COL12A1: variants seen among roughly 807,000 people sequenced by gnomAD.
The protein encoded by COL12A1 is collagen type XII alpha 1 chain.
Under a neutral mutation model 349.7 loss-of-function variants are expected in COL12A1, and 114 were observed. The observed-to-expected ratio is 0.33, with a 90% CI of 0.28 to 0.38. The LOEUF (loss-of-function observed/expected upper bound fraction) is 0.38, where lower values mean the gene tolerates loss of function less well. Ranked by LOEUF, COL12A1 falls within the 10% of genes least tolerant of loss-of-function variation. The probability of loss-of-function intolerance (pLI) is 1.00; values close to 1 mark genes in which losing one functional copy is unlikely to be tolerated. For synonymous variants in COL12A1, 1,369 were observed against 1,329.0 expected (o/e 1.03, Z -0.66); for missense variants, 3,284 against 3,756.9 (o/e 0.87, Z 3.29).
At chr6:75,151,806 C>T (rs41269307) in intron 20 of COL12A1, 61 bp downstream of exon 20, 203 of 1,498,880 alleles carry the variant, frequency 1.4e-4, no homozygotes, top group Middle Eastern at 3.6e-4. Flanking sequence ...CTTCTAACTA[C>T]GAAAAATATC....
At chr6:75,162,007 G>A (rs1230379453) in intron 14 of COL12A1, among the ~76,000 whole-genome samples, 2 of 152,070 alleles carry the variant, frequency 1.3e-5, no homozygotes, top group East Asian at 3.9e-4. Flanking sequence ...AGAGAGGACA[G>A]AAACAAATGG....
chr6:75,135,222 A>T (rs1213078185), intron 31 of COL12A1, among the ~76,000 whole-genome samples: 2 of 152,158 alleles, frequency 1.3e-5, no homozygotes, highest in African/African-American at 4.8e-5. Flanking sequence ...ACAATTGCAT[A>T]ATTTTAGAGG....
chr6:75,107,731 G>C (rs1768637506), intron 52 of COL12A1, among the ~76,000 whole-genome samples: 1 of 152,098 alleles, frequency 6.6e-6, no homozygotes, highest in African/African-American at 2.4e-5. Flanking sequence ...TTTCAAGATA[G>C]CATATATTTT....
intron 34 of COL12A1, 26 bp from the exon 35 acceptor site, chr6:75,132,108 T>TA: frequency 6.2e-7 from 1 of 1,612,296 alleles, no homozygotes; most frequent in Non-Finnish European, 8.5e-7. Flanking sequence ...CCAACATCTA[T>TA]TTTTTAAGTC....
At chr6:75,202,877 G>T in intron 1 of COL12A1, 50 bp from the exon 2 acceptor site, 1 of 1,319,692 alleles carries the variant, frequency 7.6e-7, no homozygotes, top group Non-Finnish European at 1.1e-6. Flanking sequence ...GGCAGGCCTT[G>T]AACCAGGTTA....
At chr6:75,132,518 C>T (rs1766360333) in intron 34 of COL12A1, among the ~76,000 whole-genome samples, 1 of 152,178 alleles carries the variant, frequency 6.6e-6, no homozygotes, top group East Asian at 1.9e-4. Context: ...TTCATTACTT[C>T]TTCATTTAAC....
chr6:75,099,904 C>A (rs1768224453), intron 58 of COL12A1, among the ~76,000 whole-genome samples: 1 of 152,212 alleles, frequency 6.6e-6, no homozygotes, highest in Admixed American at 6.5e-5. Flanking sequence ...TCTTGTGCTT[C>A]CTTCTCTTCA....
chr6:75,133,452 G>A (rs1325183221), intron 33 of COL12A1, 30 bp from the exon 34 acceptor site: 1 of 1,585,974 alleles, frequency 6.3e-7, no homozygotes, highest in African/African-American at 1.4e-5. Flanking sequence ...AAAAAGCATT[G>A]ACTTGAAAAA....
At chr6:75,199,448 G>C (rs1770410280) in intron 2 of COL12A1, among the ~76,000 whole-genome samples, 1 of 152,010 alleles carries the variant, frequency 6.6e-6, no homozygotes, top group Non-Finnish European at 1.5e-5. Flanking sequence ...CCGATGAATT[G>C]ATAATATTCA....
intron 13 of COL12A1, among the ~76,000 whole-genome samples, chr6:75,171,254 C>T (rs1768618346): frequency 1.3e-5 from 2 of 152,188 alleles, no homozygotes; most frequent in African/African-American, 2.4e-5. Flanking sequence ...GATGTATGCT[C>T]ACATTCCTCT....
intron 14 of COL12A1, among the ~76,000 whole-genome samples, chr6:75,164,203 T>A (rs1368731054): frequency 1.3e-5 from 2 of 152,220 alleles, no homozygotes; most frequent in African/African-American, 4.8e-5. Flanking sequence ...ATAAAGAAGT[T>A]GATTTTTAAA....
chr6:75,187,134 G>C (rs899972466), intron 8 of COL12A1, among the ~76,000 whole-genome samples: 1 of 139,316 alleles, frequency 7.2e-6, no homozygotes, highest in Admixed American at 7.9e-5. Context: ...TTTAAAAAAT[G>C]AAAATAATTT....
chr6:75,105,405 T>C (rs1768501866), intron 53 of COL12A1, 113 bp from the exon 54 acceptor site: 2 of 713,558 alleles, frequency 2.8e-6, no homozygotes, highest in Non-Finnish European at 4.8e-6. Flanking sequence ...AAAGAAATAA[T>C]TTTAATTATC....
At chr6:75,131,906 C>G in intron 35 of COL12A1, 34 bp downstream of exon 35, 8 of 1,609,870 alleles carry the variant, frequency 5.0e-6, no homozygotes, top group Non-Finnish European at 6.8e-6. Flanking sequence ...CTACATTCAC[C>G]AGGAAATGCA....
chr6:75,161,455 GA>G (rs1768021953), intron 14 of COL12A1, among the ~76,000 whole-genome samples: 1 of 152,074 alleles, frequency 6.6e-6, no homozygotes, highest in Non-Finnish European at 1.5e-5. Context: ...TGTGGAACCT[GA>G]GAATATGGAG....
At chr6:75,102,181 A>T in intron 56 of COL12A1, 129 bp from the exon 57 acceptor site, 2 of 854,196 alleles carry the variant, frequency 2.3e-6, no homozygotes, top group Non-Finnish European at 3.7e-6. Flanking sequence ...ATGAGCACAG[A>T]AGGGTATTTT....
Position 75,123,386 on chromosome 6 carries a change from G to C in COL12A1, c.6890C>G (p.Ala2297Gly). The change falls in exon 43 of 66, where the codon GCC (alanine) becomes GGC (glycine). Residue 2297 changes from alanine to glycine, a missense_variant. By Grantham distance (60) the Ala-to-Gly change is moderately conservative. This residue lies in a region of COL12A1 where 2,601 missense variants were observed against 2,824.8 expected (regional missense o/e 0.92). Coordinates refer to ENST00000322507, the MANE Select transcript of COL12A1 (RefSeq NM_004370.6). ...AGGAGGTGTGGGTGGCTCTGTAGGG[G>C]CTTCTGTTGGTTTCACAGCTAAAAT... is the stretch of plus-strand genomic sequence containing the variant. ...KEHTTVKPTE[A>G]PTEPPTPPPP... 1 of 1,591,324 alleles carries C rather than the reference G, an allele frequency of 6.3e-7. No homozygotes were observed. The highest frequency in any genetic ancestry group is 8.6e-7 in the Non-Finnish European group (1 of 1,168,794).
In COL12A1 at chr6:75,147,753, C is replaced by G; in HGVS notation, c.4339G>C (p.Glu1447Gln). The part of the protein sequence containing the change: ...TSTVLKDLKP[E>Q]TEYVVNVYSV... ...TACACATTGACAACATATTCAGTTT[C>G]AGGTTTCAGATCTTTCAGCACTGTG... Residue 1447 changes from glutamate (E) to glutamine (Q), a missense_variant, in exon 23 of 66, where the codon GAA (glutamate) becomes CAA (glutamine). This residue lies in a region of COL12A1 where 2,601 missense variants were observed against 2,824.8 expected (regional missense o/e 0.92). Coordinates refer to ENST00000322507, the MANE Select transcript of COL12A1 (RefSeq NM_004370.6). The G allele has an allele frequency of 6.2e-7, 1 of 1,613,592 alleles. No homozygotes were observed. Among genetic ancestry groups the G allele is most frequent in the East Asian group, 2.2e-5 (1 of 44,844 alleles).
At position 75,123,191 on chromosome 6, in the gene COL12A1, C is replaced by A. The variant is rs1230834794; in HGVS notation, c.6946+139G>T. ...AGAAACAAATTACTGGTTATCTTTTCTTTCAATCTAAAAACTCTTCAGCAG... is the reference window on the plus strand; with the variant it reads ...AGAAACAAATTACTGGTTATCTTTTATTTCAATCTAAAAACTCTTCAGCAG... On this transcript the variant is annotated intron_variant, in intron 43 of 65. Transcript: ENST00000322507. 7 of 807,576 alleles carry A rather than the reference C, an allele frequency of 8.7e-6. 1 individual carries two copies. In the East Asian group the frequency reaches 1.3e-4, roughly 15 times the overall value. 50.0% of individuals were successfully genotyped at this position (807,576 alleles called of 1,614,324 possible).
Sources: gnomAD v4.1 joint callset for allele counts (sites outside exome capture counted in the v4.1 genomes callset) on GRCh38, gnomAD v4.1.1 for gene constraint, gnomAD v4.1.1 regional missense constraint, MANE v1.5 for transcripts, NCBI Gene and HGNC (gene_info 2026-07-23, HGNC 2026-07-21) for gene names.